RORB: variants seen among roughly 807,000 people sequenced by gnomAD.
RORB encodes RAR related orphan receptor B.
In RORB, 6 loss-of-function variants were observed where a neutral mutation model predicts 59.1. The observed-to-expected ratio is 0.10, with a 90% CI of 0.06 to 0.20. The LOEUF is 0.20. Among genes scored for constraint, RORB ranks in the 10% least tolerant of loss-of-function variants. The probability of loss-of-function intolerance (pLI) is 1.00; values close to 1 mark genes in which losing one functional copy is unlikely to be tolerated. For missense variants in RORB, 320 were observed against 560.5 expected (o/e 0.57, Z 4.33); for synonymous variants, 215 against 204.5 (o/e 1.05, Z -0.44).
intron 4 of RORB, among the ~76,000 whole-genome samples, chr9:74,645,214 A>C (rs1823874703): frequency 6.6e-6 from 1 of 152,182 alleles, no homozygotes; most frequent in Non-Finnish European, 1.5e-5. Flanking sequence ...CAGCAATGCC[A>C]CCTAGTGGAC....
At chr9:74,548,636 C>G (rs1243870305) in intron 1 of RORB, among the ~76,000 whole-genome samples, 1 of 152,150 alleles carries the variant, frequency 6.6e-6, no homozygotes, top group Non-Finnish European at 1.5e-5. Flanking sequence ...TTCTTGCTCC[C>G]TAGAGTGGCT....
At chr9:74,656,533 C>T (rs754869647) in intron 4 of RORB, among the ~76,000 whole-genome samples, 5 of 152,120 alleles carry the variant, frequency 3.3e-5, no homozygotes, top group Non-Finnish European at 5.9e-5. Context: ...GTCAAGAGTT[C>T]GAGAACAGCC....
Position 74,562,747 on chromosome 9 carries a change from T to A in RORB, c.7+64764T>A, listed in dbSNP as rs1395354905. ...GAATGAGAGCACACAACTAGGATTT[T>A]TGAAAACTCTTTTTAAATGTTTCTT... On this transcript the variant is annotated intron_variant, in intron 1 of 9. Coordinates refer to ENST00000376896, the MANE Select transcript of RORB (RefSeq NM_006914.4). Among the ~76,000 whole-genome samples, 3 of 152,200 alleles carry A rather than the reference T, an allele frequency of 2.0e-5. No individual in the cohort carries two copies. In the East Asian group the frequency reaches 5.8e-4, roughly 29 times the overall value.
At chr9:74,543,306 T>C (rs1826438339) in intron 1 of RORB, among the ~76,000 whole-genome samples, 1 of 152,218 alleles carries the variant, frequency 6.6e-6, no homozygotes. Flanking sequence ...CAGGCAGATA[T>C]ATGAGCAACA....
chr9:74,582,823 T>C (rs1343194751), intron 1 of RORB, among the ~76,000 whole-genome samples: 2 of 152,166 alleles, frequency 1.3e-5, no homozygotes, highest in Non-Finnish European at 1.5e-5. Context: ...CTAAAGATCC[T>C]GTATGCATGA....
chr9:74,526,656 T>C (rs1308446983), intron 1 of RORB, among the ~76,000 whole-genome samples: 1 of 151,964 alleles, frequency 6.6e-6, no homozygotes, highest in African/African-American at 2.4e-5. Flanking sequence ...AGATGCCCAA[T>C]GTACTGTGAT....
At chr9:74,617,140 A>G (rs943383122) in intron 1 of RORB, among the ~76,000 whole-genome samples, 3 of 151,998 alleles carry the variant, frequency 2.0e-5, no homozygotes, top group African/African-American at 7.2e-5. Flanking sequence ...ATGTCTAAAA[A>G]ATGGAAAAGA....
intron 1 of RORB, among the ~76,000 whole-genome samples, chr9:74,601,122 T>C (rs1256809831): frequency 2.6e-5 from 4 of 152,066 alleles, no homozygotes; most frequent in Non-Finnish European, 5.9e-5. Context: ...AAAGAACTTT[T>C]GAAATAATTA....
intron 1 of RORB, among the ~76,000 whole-genome samples, chr9:74,604,891 A>G (rs1823125560): frequency 6.6e-6 from 1 of 152,228 alleles, no homozygotes; most frequent in East Asian, 1.9e-4. Flanking sequence ...TTGAACAACT[A>G]GTAAGTGTTA....
chr9:74,640,130 A>G (rs1563961155), intron 3 of RORB, among the ~76,000 whole-genome samples: 1 of 152,224 alleles, frequency 6.6e-6, no homozygotes. Flanking sequence ...AATGAGTCAG[A>G]TTGTTTGTCT....
Position 74,550,022 on chromosome 9 carries a change from C to T in RORB, c.7+52039C>T, listed in dbSNP as rs190693992. 1.9e-3 allele frequency among the ~76,000 whole-genome samples: 291 copies of T among 152,212 alleles called. 1 individual carries two copies. Among genetic ancestry groups the T allele is most frequent in the African/African-American group, 6.6e-3 (275 of 41,526 alleles). On this transcript the variant is annotated intron_variant, in intron 1 of 9. Transcript: ENST00000376896. ...GATTACAGGCATGAGCCCCTGCGCC[C>T]GGCCGATTATGTGTATTTCTAATTC...
chr9:74,588,363 C>G (rs989574890), intron 1 of RORB, among the ~76,000 whole-genome samples: 1 of 152,152 alleles, frequency 6.6e-6, no homozygotes, highest in Non-Finnish European at 1.5e-5. Context: ...GTTCAGTAAA[C>G]ATATGGATAT....
At chr9:74,508,954 G>A (rs906722870) in intron 1 of RORB, among the ~76,000 whole-genome samples, 15 of 151,208 alleles carry the variant, frequency 9.9e-5, no homozygotes, top group African/African-American at 2.4e-4. Flanking sequence ...CCCTGTATTC[G>A]TAGTAGATAT....
At chr9:74,599,944 T>C (rs1301574695) in intron 1 of RORB, among the ~76,000 whole-genome samples, 1 of 152,238 alleles carries the variant, frequency 6.6e-6, no homozygotes, top group African/African-American at 2.4e-5. Context: ...GGACTAGCAC[T>C]AGACAAATTA....
Position 74,690,776 on chromosome 9 carries a change from A to T in RORB, c.*5158A>T, listed in dbSNP as rs1456350293. 6.6e-6 allele frequency: 1 copy of T among 152,204 alleles called. No individual in the cohort carries two copies. The highest frequency in any genetic ancestry group is 3.2e-3 in the Middle Eastern group (1 of 316). 9.4% of individuals were successfully genotyped at this position (152,204 alleles called of 1,614,324 possible). A position where few individuals can be genotyped will look rare whatever the true frequency, so the allele number is the denominator to read the frequency against. On this transcript the variant is annotated 3_prime_UTR_variant, in exon 10 of 10. Coordinates refer to ENST00000376896, the MANE Select transcript of RORB (RefSeq NM_006914.4). ...CAGGAGGTCAGTTTAAAAAATAGCA[A>T]ACAGTCTAAAAATGAAAACTATTCA...
In RORB at chr9:74,619,041, G is replaced by A. The variant is rs141533411; in HGVS notation, c.8-11241G>A. Among the ~76,000 whole-genome samples the A allele has an allele frequency of 5.4e-3, 820 of 152,228 alleles. 10 individuals are homozygous for A. Among genetic ancestry groups the A allele is most frequent in the African/African-American group, 0.019 (782 of 41,508 alleles). On this transcript the variant is annotated intron_variant, in intron 1 of 9. Transcript: ENST00000376896. ...ATATGGTTAGTGACTACAGATTAAG[G>A]CATGATTGATAATTCTGGAAGCATT...
intron 1 of RORB, among the ~76,000 whole-genome samples, chr9:74,587,444 TC>T (rs774798101): frequency 3.9e-5 from 6 of 152,218 alleles, no homozygotes; most frequent in Non-Finnish European, 8.8e-5. Flanking sequence ...TCTATGTTTT[TC>T]AGTCATAGCC....
intron 1 of RORB, among the ~76,000 whole-genome samples, chr9:74,578,593 T>C (rs894208632): frequency 3.3e-5 from 5 of 152,136 alleles, no homozygotes; most frequent in Admixed American, 3.3e-4. Flanking sequence ...GTGATACAGT[T>C]GTCTTATCAA....
intron 1 of RORB, among the ~76,000 whole-genome samples, chr9:74,513,142 G>T (rs1825963054): frequency 6.6e-6 from 1 of 152,028 alleles, no homozygotes; most frequent in African/African-American, 2.4e-5. Context: ...GAGTTCAATT[G>T]CTATGGCAAA....
Sources: allele counts gnomAD v4.1 joint callset (sites outside exome capture counted in the v4.1 genomes callset), GRCh38; gene constraint gnomAD v4.1.1; transcripts MANE v1.5; gene names NCBI Gene and HGNC (gene_info 2026-07-23, HGNC 2026-07-21).